The following GRID2 variants were observed in gnomAD, a reference collection of about 807,000 sequenced individuals.
The protein encoded by GRID2 is glutamate ionotropic receptor delta type subunit 2.
In GRID2, 33 loss-of-function variants were observed where a neutral mutation model predicts 114.8. The ratio of observed to expected loss-of-function variants is 0.29; its 90% CI spans 0.22 to 0.38. The LOEUF (loss-of-function observed/expected upper bound fraction) is 0.38. GRID2 is among the 10% of genes least tolerant of loss of function. GRID2 has a pLI of 1.00. For synonymous variants in GRID2, 505 were observed against 449.9 expected, an observed-to-expected ratio of 1.12 and a Z score of -1.55; for missense variants, 1,184 against 1,257.7, an observed-to-expected ratio of 0.94 and a Z score of 0.89.
intron 4 of GRID2, among the ~76,000 whole-genome samples, chr4:93,130,779 A>G (rs1410583941): frequency 6.6e-6 from 1 of 152,150 alleles, no homozygotes; most frequent in Non-Finnish European, 1.5e-5. Flanking sequence ...GCAGACAACA[A>G]TCTCTAAATA....
chr4:92,940,514 C>T (rs957584169), intron 2 of GRID2, among the ~76,000 whole-genome samples: 9 of 152,138 alleles, frequency 5.9e-5, no homozygotes, highest in African/African-American at 1.9e-4. Flanking sequence ...CATCTGCAAA[C>T]AGGGACAATC....
At chr4:93,195,907 G>C (rs151070752) in intron 4 of GRID2, among the ~76,000 whole-genome samples, 1 of 152,220 alleles carries the variant, frequency 6.6e-6, no homozygotes, top group South Asian at 2.1e-4. Context: ...AGATGACTTC[G>C]AATGTTCTTG....
At chr4:92,373,975 A>T (rs2110223695) in intron 1 of GRID2, among the ~76,000 whole-genome samples, 1 of 152,182 alleles carries the variant, frequency 6.6e-6, no homozygotes, top group East Asian at 1.9e-4. Flanking sequence ...CATCACTGTA[A>T]TGGGTTTGAT....
At chr4:93,281,971 T>C (rs1305386230) in intron 8 of GRID2, among the ~76,000 whole-genome samples, 2 of 152,082 alleles carry the variant, frequency 1.3e-5, no homozygotes, top group Non-Finnish European at 2.9e-5. Flanking sequence ...CATTTGAAGT[T>C]TATGTATACA....
At chr4:93,487,902 A>G (rs1726574909) in intron 11 of GRID2, among the ~76,000 whole-genome samples, 1 of 151,976 alleles carries the variant, frequency 6.6e-6, no homozygotes, top group South Asian at 2.1e-4. Context: ...TTGGAAGTCA[A>G]GATTCCCATT....
chr4:92,705,608 A>C (rs554390401), intron 2 of GRID2, among the ~76,000 whole-genome samples: 22 of 152,328 alleles, frequency 1.4e-4, no homozygotes, highest in African/African-American at 4.8e-4. Context: ...AGTCAATGCC[A>C]CTTTTATTGT....
intron 12 of GRID2, among the ~76,000 whole-genome samples, chr4:93,499,692 ATCTTGAGAGGCACTGCTAGAGTGCC>A (rs1300017374): frequency 6.6e-6 from 1 of 151,920 alleles, no homozygotes; most frequent in Admixed American, 6.6e-5. Context: ...TGTTATATCC[ATCTTGAGAGGCACTGCTAGAGTGCC>A]TCTCAGAGTA....
chr4:92,851,814 G>A (rs1271759608), intron 2 of GRID2, among the ~76,000 whole-genome samples: 1 of 151,906 alleles, frequency 6.6e-6, no homozygotes, highest in Non-Finnish European at 1.5e-5. Context: ...CCTGCCTACA[G>A]AGAAAGTATG....
At chr4:93,402,626 A>G (rs185055338) in intron 9 of GRID2, among the ~76,000 whole-genome samples, 144 of 152,160 alleles carry the variant, frequency 9.5e-4, no homozygotes, top group Non-Finnish European at 1.4e-3. Context: ...CAATTTGAAA[A>G]CCTGCTAATG....
Position 93,497,143 on chromosome 4 carries a change from T to A in GRID2, c.1997+6366T>A, listed in dbSNP as rs146477124. Among the ~76,000 whole-genome samples the A allele has an allele frequency of 2.4e-4, 37 of 151,830 alleles. 1 individual carries two copies. In the East Asian group the frequency reaches 7.2e-3, roughly 30 times the overall value. ...TATTATTGTGTAGTGGTATTGAACA[T>A]CTGTTCATGGGCTCATTTGTAATCC... On this transcript the variant is annotated intron_variant, in intron 12 of 15. Coordinates refer to ENST00000282020, the MANE Select transcript of GRID2 (RefSeq NM_001510.4).
intron 2 of GRID2, among the ~76,000 whole-genome samples, chr4:92,902,219 G>A (rs888189496): frequency 6.6e-6 from 1 of 151,916 alleles, no homozygotes; most frequent in Non-Finnish European, 1.5e-5. Flanking sequence ...AAGTTTTTTA[G>A]TTTATGAGTG....
intron 1 of GRID2, among the ~76,000 whole-genome samples, chr4:92,524,896 G>C (rs41432446): frequency 0.017 from 2,539 of 152,068 alleles, 73 homozygotes; most frequent in African/African-American, 0.059. Context: ...GAAATTATAC[G>C]AATTTGTACA....
chr4:93,513,371 A>G (rs192743247), intron 12 of GRID2, among the ~76,000 whole-genome samples: 205 of 152,304 alleles, frequency 1.3e-3, no homozygotes, highest in African/African-American at 4.9e-3. Context: ...ATACTACTGA[A>G]AACAGCAGTA....
intron 2 of GRID2, among the ~76,000 whole-genome samples, chr4:92,896,670 A>C (rs1381673693): frequency 6.6e-6 from 1 of 152,104 alleles, no homozygotes; most frequent in East Asian, 1.9e-4. Flanking sequence ...CAGTTCTTTA[A>C]AACAGAAGTT....
chr4:93,592,493 G>T (rs1200984262), intron 13 of GRID2, among the ~76,000 whole-genome samples: 1 of 151,980 alleles, frequency 6.6e-6, no homozygotes, highest in East Asian at 1.9e-4. Context: ...GGTCAATTTT[G>T]GAATAGGTGT....
intron 14 of GRID2, among the ~76,000 whole-genome samples, chr4:93,724,553 T>C (rs1166857258): frequency 1.3e-5 from 2 of 152,172 alleles, no homozygotes; most frequent in Admixed American, 6.5e-5. Flanking sequence ...GTAATTTCTC[T>C]TCTCTATGTC....
intron 1 of GRID2, among the ~76,000 whole-genome samples, chr4:92,529,880 C>G (rs557212314): frequency 6.6e-6 from 1 of 151,740 alleles, no homozygotes; most frequent in Non-Finnish European, 1.5e-5. Flanking sequence ...AGTAGAGAAG[C>G]GGAGAATAGT....
At chr4:93,044,721 A>C (rs1443682139) in intron 2 of GRID2, among the ~76,000 whole-genome samples, 1 of 152,158 alleles carries the variant, frequency 6.6e-6, no homozygotes, top group Non-Finnish European at 1.5e-5. Context: ...TGATCATTTA[A>C]ATGTATTCAA....
intron 4 of GRID2, among the ~76,000 whole-genome samples, chr4:93,173,516 T>C (rs970290643): frequency 1.3e-5 from 2 of 152,226 alleles, no homozygotes; most frequent in Non-Finnish European, 2.9e-5. Context: ...TTTTTAAATT[T>C]GATAAGCTTG....
Sources: allele counts gnomAD v4.1 joint callset (sites outside exome capture counted in the v4.1 genomes callset), GRCh38; gene constraint gnomAD v4.1.1; transcripts MANE v1.5; gene names NCBI Gene and HGNC (gene_info 2026-07-23, HGNC 2026-07-21).